Variants in ABTB2 observed in about 807,000 individuals in gnomAD.
ABTB2 encodes the protein ankyrin repeat and BTB domain containing 2.
ABTB2 carries 56 observed loss-of-function variants against 104.1 expected under a neutral mutation model. That is an observed-to-expected ratio of 0.54 (90% CI 0.43 to 0.67). The LOEUF is 0.67. ABTB2 is among the 30% of genes least tolerant of loss of function. The pLI is 0.00. For synonymous variants in ABTB2, 606 were observed against 608.2 expected (o/e 1.00, Z 0.05); for missense variants, 1,279 against 1,407.7 (o/e 0.91, Z 1.46).
intron 1 of ABTB2, among the ~76,000 whole-genome samples, chr11:34,340,401 G>C (rs147812843): frequency 6.6e-6 from 1 of 152,292 alleles, no homozygotes; most frequent in East Asian, 1.9e-4. Context: ...AGCCTGCCAG[G>C]TAGTTTTAGT....
At chr11:34,190,098 G>C (rs529474286) in intron 3 of ABTB2, among the ~76,000 whole-genome samples, 19 of 152,292 alleles carry the variant, frequency 1.2e-4, no homozygotes, top group African/African-American at 4.3e-4. Context: ...AAATTAGCCA[G>C]GCATGGTGGC....
chr11:34,303,911 G>C (rs1047291904), intron 1 of ABTB2, among the ~76,000 whole-genome samples: 1 of 152,100 alleles, frequency 6.6e-6, no homozygotes, highest in Non-Finnish European at 1.5e-5. Flanking sequence ...CAAAAATGCT[G>C]GGATTACAGG....
At chr11:34,214,139 A>AAAACACACACACACACACACAC (rs112616498) in intron 1 of ABTB2, among the ~76,000 whole-genome samples, 1 of 139,172 alleles carries the variant, frequency 7.2e-6, no homozygotes, top group African/African-American at 2.8e-5. Flanking sequence ...GCACATTCAA[A>AAAACACACACACACACACACAC]ACACACACAC....
chr11:34,241,822 T>A (rs768537556), intron 1 of ABTB2, among the ~76,000 whole-genome samples: 2 of 152,192 alleles, frequency 1.3e-5, no homozygotes, highest in African/African-American at 4.8e-5. Context: ...CATGTAAATG[T>A]TTCCCCCCTT....
intron 1 of ABTB2, among the ~76,000 whole-genome samples, chr11:34,354,389 C>T (rs1230658820): frequency 1.3e-5 from 2 of 150,542 alleles, no homozygotes; most frequent in South Asian, 2.1e-4. Context: ...TTTGAGAGGC[C>T]GAGGCAGGAG....
chr11:34,175,173 T>G (rs1456728090), intron 3 of ABTB2, among the ~76,000 whole-genome samples: 1 of 152,118 alleles, frequency 6.6e-6, no homozygotes, highest in East Asian at 1.9e-4. Flanking sequence ...GCTCGGGTCA[T>G]CTCCAGAGTT....
intron 1 of ABTB2, among the ~76,000 whole-genome samples, chr11:34,334,018 A>G (rs1855163915): frequency 4.3e-5 from 2 of 46,478 alleles, no homozygotes; most frequent in Admixed American, 2.8e-4. Context: ...CCACAGGTGA[A>G]AAAAAAAAAA....
intron 14 of ABTB2, among the ~76,000 whole-genome samples, chr11:34,158,173 G>A (rs1250106167): frequency 2.0e-5 from 3 of 152,208 alleles, no homozygotes; most frequent in Non-Finnish European, 4.4e-5. Context: ...CCAGCACTTT[G>A]GGAGGCCAAG....
chr11:34,337,836 A>C (rs532950043), intron 1 of ABTB2, among the ~76,000 whole-genome samples: 2 of 152,162 alleles, frequency 1.3e-5, no homozygotes, highest in Non-Finnish European at 2.9e-5. Context: ...AGCATCCAAT[A>C]AACATTGGTT....
At chr11:34,282,856 T>C (rs1854462810) in intron 1 of ABTB2, among the ~76,000 whole-genome samples, 1 of 150,894 alleles carries the variant, frequency 6.6e-6, no homozygotes. Context: ...TCATGATCCA[T>C]ATTTTTTAAG....
At chr11:34,332,331 C>T (rs1024802928) in intron 1 of ABTB2, among the ~76,000 whole-genome samples, 4 of 152,168 alleles carry the variant, frequency 2.6e-5, no homozygotes, top group Admixed American at 2.6e-4. Flanking sequence ...ACAGTTCTCC[C>T]TTCTCCTCCA....
chr11:34,294,518 C>T (rs548706819), intron 1 of ABTB2, among the ~76,000 whole-genome samples: 2 of 152,138 alleles, frequency 1.3e-5, no homozygotes, highest in South Asian at 2.1e-4. Context: ...CCAGGAGTAT[C>T]GCTATGAGTT....
chr11:34,326,254 A>G (rs1053440638), intron 1 of ABTB2, among the ~76,000 whole-genome samples: 1 of 152,214 alleles, frequency 6.6e-6, no homozygotes, highest in African/African-American at 2.4e-5. Flanking sequence ...GTAGTTTTTA[A>G]TCCTTAGACC....
chr11:34,184,632 A>G lies in ABTB2; in HGVS notation c.1245-11325T>C, dbSNP rs16925252. Among the ~76,000 whole-genome samples the G allele has an allele frequency of 7.8e-3, 1,189 of 152,316 alleles. 47 individuals carry two copies. In the East Asian group the frequency reaches 0.12, roughly 16 times the overall value. ...CTGCAAGGGCCAGGACATCTGCCTC[A>G]TTTCTCAGGCCAGAACTCCCCAGCA... On this transcript the variant is annotated intron_variant, in intron 3 of 16. Coordinates refer to ENST00000435224, the MANE Select transcript of ABTB2 (RefSeq NM_145804.3).
intron 3 of ABTB2, among the ~76,000 whole-genome samples, chr11:34,195,467 G>A (rs879288136): frequency 1.3e-5 from 2 of 152,208 alleles, no homozygotes; most frequent in Non-Finnish European, 2.9e-5. Flanking sequence ...GCCCTCCTCA[G>A]ACTTGCATTT....
At chr11:34,201,966 G>GACAC (rs148981126) in intron 2 of ABTB2, among the ~76,000 whole-genome samples, 5 of 151,968 alleles carry the variant, frequency 3.3e-5, no homozygotes, top group Non-Finnish European at 5.9e-5. Flanking sequence ...CATGTGTGCA[G>GACAC]ACACACACAC....
At chr11:34,352,041 T>A (rs1344013933) in intron 1 of ABTB2, among the ~76,000 whole-genome samples, 2 of 152,200 alleles carry the variant, frequency 1.3e-5, no homozygotes, top group Non-Finnish European at 2.9e-5. Flanking sequence ...TCCTTCAGAC[T>A]ACCCAGGTGT....
At position 34,172,438 on chromosome 11, in the gene ABTB2, A is replaced by G. The variant is rs950813052; in HGVS notation, c.1397+717T>C. On this transcript the variant is annotated intron_variant, in intron 4 of 16. Transcript: ENST00000435224. ...TATATATGTGTGTGTGTGTGTGTAT[A>G]TAGATAGATAGATAGATAGATAGAT... Among the ~76,000 whole-genome samples the G allele has an allele frequency of 0.012, 331 of 26,780 alleles. 6 individuals carry two copies. The East Asian group carries it at 0.2, about 16-fold the overall frequency. 17.6% of individuals were successfully genotyped at this position (26,780 alleles called of 152,430 possible).
intron 1 of ABTB2, among the ~76,000 whole-genome samples, chr11:34,279,787 CTTTTTT>C (rs397849748): frequency 1.5e-5 from 2 of 129,540 alleles, no homozygotes; most frequent in Non-Finnish European, 3.2e-5. Context: ...CTTTCTTCTT[CTTTTTT>C]TTTTTTTTTT....
Sources: allele counts gnomAD v4.1 joint callset (sites outside exome capture counted in the v4.1 genomes callset), GRCh38; gene constraint gnomAD v4.1.1; transcripts MANE v1.5; gene names NCBI Gene and HGNC (gene_info 2026-07-23, HGNC 2026-07-21).